Variants in NRF1 observed in about 807,000 individuals in gnomAD.
NRF1 encodes alpha palindromic-binding protein.
A neutral mutation model predicts 58.5 loss-of-function variants in NRF1; 5 were observed. That is an observed-to-expected ratio of 0.09 (90% CI 0.04 to 0.18). The LOEUF (loss-of-function observed/expected upper bound fraction) is 0.18. Among genes scored for constraint, NRF1 ranks in the 10% least tolerant of loss-of-function variants. NRF1 has a pLI of 1.00. For synonymous variants in NRF1, 224 were observed against 246.7 expected (o/e 0.91, Z 0.86); for missense variants, 288 against 657.7 (o/e 0.44, Z 6.15).
At chr7:129,624,851 T>C (rs1477588538) in intron 1 of NRF1, among the ~76,000 whole-genome samples, 4 of 152,178 alleles carry the variant, frequency 2.6e-5, no homozygotes, top group African/African-American at 7.2e-5. Flanking sequence ...ATAGTTTTCA[T>C]TTTCCTTATT....
intron 9 of NRF1, among the ~76,000 whole-genome samples, chr7:129,718,075 T>A (rs1803232631): frequency 6.6e-6 from 1 of 152,198 alleles, no homozygotes. Context: ...TGCTGCCAAA[T>A]GGGATGCTCC....
chr7:129,656,400 C>CTA (rs1194698424), intron 1 of NRF1, among the ~76,000 whole-genome samples: 2 of 148,170 alleles, frequency 1.3e-5, no homozygotes, highest in Admixed American at 6.8e-5. Context: ...TATTTTAAAT[C>CTA]TATATATATG....
intron 2 of NRF1, among the ~76,000 whole-genome samples, chr7:129,659,203 C>T (rs938058146): frequency 1.3e-5 from 2 of 151,286 alleles, no homozygotes; most frequent in Admixed American, 6.6e-5. Flanking sequence ...CTCAGCCTCC[C>T]GAGTAGCTGG....
At chr7:129,721,337 T>C (rs1450310419) in intron 9 of NRF1, among the ~76,000 whole-genome samples, 1 of 152,166 alleles carries the variant, frequency 6.6e-6, no homozygotes, top group Non-Finnish European at 1.5e-5. Flanking sequence ...GTGTGTCTAC[T>C]GTGTGCAGGG....
intron 4 of NRF1, among the ~76,000 whole-genome samples, chr7:129,686,101 CAAAAAAAAAA>C (rs540355035): frequency 1.7e-5 from 1 of 57,776 alleles, no homozygotes; most frequent in Non-Finnish European, 3.8e-5. Flanking sequence ...GACTGTATCT[CAAAAAAAAAA>C]AAAAAAAAAA....
chr7:129,632,093 A>G (rs551352680), intron 1 of NRF1, among the ~76,000 whole-genome samples: 2 of 152,074 alleles, frequency 1.3e-5, no homozygotes, highest in Non-Finnish European at 2.9e-5. Context: ...TGGGCAACAT[A>G]ATAAGACTGC....
intron 2 of NRF1, among the ~76,000 whole-genome samples, chr7:129,666,604 TCACTG>T (rs1473041175): frequency 1.8e-4 from 27 of 152,230 alleles, no homozygotes. Context: ...CGATCTCTGC[TCACTG>T]CAACCTCTGC....
chr7:129,659,711 A>T (rs1801739202), intron 2 of NRF1, among the ~76,000 whole-genome samples: 1 of 152,110 alleles, frequency 6.6e-6, no homozygotes. Flanking sequence ...TATCTCCCAC[A>T]TGGCCTGCCC....
intron 5 of NRF1, among the ~76,000 whole-genome samples, chr7:129,696,832 A>G (rs1009771270): frequency 9.9e-5 from 15 of 152,224 alleles, no homozygotes. Flanking sequence ...ATCTTTATAA[A>G]TGAGAAGGTT....
chr7:129,744,339 A>C, intron 10 of NRF1: 3 of 823,588 alleles, frequency 3.6e-6, no homozygotes, highest in Non-Finnish European at 2.0e-6. Flanking sequence ...TCTACTGTGC[A>C]GTCCCCCTCA....
intron 10 of NRF1, among the ~76,000 whole-genome samples, chr7:129,744,406 AGT>A (rs1803923585): frequency 6.6e-6 from 1 of 152,028 alleles, no homozygotes; most frequent in Non-Finnish European, 1.5e-5. Context: ...TGATTTTTCT[AGT>A]GTTAAATGTT....
chr7:129,719,855 C>T (rs1174940571), intron 9 of NRF1, among the ~76,000 whole-genome samples: 1 of 152,140 alleles, frequency 6.6e-6, no homozygotes, highest in Non-Finnish European at 1.5e-5. Context: ...CTAACAGGCC[C>T]TCATTAAAGA....
At position 129,657,511 on chromosome 7, in the gene NRF1, G is replaced by A. The variant is rs761369981; in HGVS notation, c.160G>A (p.Asp54Asn). The change falls in exon 2 of 11, where the codon GAT becomes AAT. Residue 54 changes from aspartate (D) to asparagine (N), a missense_variant. This residue lies in a region of NRF1 where 212 missense variants were observed against 559.7 expected (regional missense o/e 0.38). Transcript: ENST00000393232. ...SPSSPEDTSY[D>N]DSDILNSTAA... The stretch of plus-strand genomic sequence containing the variant: ...TTCTTCTCCCGAGGACACCTCTTAC[G>A]ATGACTCAGATATACTCAACTCCAC... 8 of 1,613,826 alleles carry A rather than the reference G, an allele frequency of 5.0e-6. No homozygotes were observed. The highest frequency in any genetic ancestry group is 1.3e-5 in the African/African-American group (1 of 74,850).
intron 10 of NRF1, among the ~76,000 whole-genome samples, chr7:129,728,909 G>A (rs1803515410): frequency 6.6e-6 from 1 of 152,176 alleles, no homozygotes; most frequent in African/African-American, 2.4e-5. Context: ...AGCCACACAT[G>A]TTCAGGATGA....
intron 2 of NRF1, among the ~76,000 whole-genome samples, chr7:129,663,731 C>T (rs996199699): frequency 7.4e-4 from 112 of 151,988 alleles, no homozygotes; most frequent in Non-Finnish European, 1.4e-3. Flanking sequence ...GGGTGGCGGG[C>T]GGGCAGAGGC....
chr7:129,658,973 A>G (rs147724498), intron 2 of NRF1, among the ~76,000 whole-genome samples: 105 of 150,790 alleles, frequency 7.0e-4, no homozygotes, highest in African/African-American at 2.3e-3. Flanking sequence ...TGAAACTACT[A>G]CACCATTTTA....
intron 1 of NRF1, among the ~76,000 whole-genome samples, chr7:129,613,920 T>TAAAAAAACAAAAACAAA (rs1372646502): frequency 5.3e-5 from 8 of 151,976 alleles, no homozygotes; most frequent in Non-Finnish European, 7.4e-5. Flanking sequence ...AGACTTCATC[T>TAAAAAAACAAAAACAAA]AAAAAAACAA....
chr7:129,664,689 A>G (rs1477178121), intron 2 of NRF1, among the ~76,000 whole-genome samples: 1 of 152,208 alleles, frequency 6.6e-6, no homozygotes, highest in African/African-American at 2.4e-5. Context: ...CTGCTTTGTG[A>G]TAGTGTTAAG....
At chr7:129,750,204 G>T (rs1314398594) in intron 10 of NRF1, among the ~76,000 whole-genome samples, 3 of 152,154 alleles carry the variant, frequency 2.0e-5, no homozygotes, top group Non-Finnish European at 4.4e-5. Context: ...TTAATCAATC[G>T]AAATGACCCA....
Sources: gnomAD v4.1 joint callset for allele counts (sites outside exome capture counted in the v4.1 genomes callset) on GRCh38, gnomAD v4.1.1 for gene constraint, gnomAD v4.1.1 regional missense constraint, MANE v1.5 for transcripts, NCBI Gene and HGNC (gene_info 2026-07-23, HGNC 2026-07-21) for gene names.